FBXO4: variants seen among roughly 807,000 people sequenced by gnomAD.
FBXO4 encodes the protein F-box only protein 4.
Under a neutral mutation model 43.7 loss-of-function variants are expected in FBXO4, and 36 were observed. The ratio of observed to expected loss-of-function variants is 0.82; its 90% confidence interval spans 0.63 to 1.09. FBXO4 has a LOEUF of 1.09. FBXO4 is among the 50% of genes least tolerant of loss of function. The probability of loss-of-function intolerance (pLI) is 0.00; values close to 1 mark genes in which losing one functional copy is unlikely to be tolerated. For missense variants in FBXO4, 435 were observed against 474.1 expected, an observed-to-expected ratio of 0.92 and a Z score of 0.77; for synonymous variants, 180 against 165.6, an observed-to-expected ratio of 1.09 and a Z score of -0.67.
At chr5:41,978,538 A>C in the FBXO4 span, among the ~76,000 whole-genome samples, 2 of 152,192 alleles carry the variant, frequency 1.3e-5, no homozygotes, top group African/African-American at 4.8e-5. Flanking sequence ...TTCTTTCTAA[A>C]TATTTAAGTT....
At chr5:41,983,298 G>A in the FBXO4 span, among the ~76,000 whole-genome samples, 1 of 152,114 alleles carries the variant, frequency 6.6e-6, no homozygotes, top group East Asian at 1.9e-4. Flanking sequence ...TTAAGTGAGT[G>A]TATAATTAAT....
intron 6 of FBXO4, among the ~76,000 whole-genome samples, 186 bp from the exon 7 acceptor site, chr5:41,941,006 T>G (rs1236805305): frequency 6.6e-6 from 1 of 152,192 alleles, no homozygotes; most frequent in Non-Finnish European, 1.5e-5. Context: ...TGGTAATAGT[T>G]ACAAGAGAGA....
At chr5:42,030,712 A>G in the FBXO4 span, among the ~76,000 whole-genome samples, 2 of 151,970 alleles carry the variant, frequency 1.3e-5, no homozygotes, top group South Asian at 4.1e-4. Context: ...TACTCATCTG[A>G]CAAAGGGCTA....
At chr5:42,034,973 ATATT>A in the FBXO4 span, among the ~76,000 whole-genome samples, 5 of 151,980 alleles carry the variant, frequency 3.3e-5, no homozygotes, top group Non-Finnish European at 7.4e-5. Flanking sequence ...CATTTTCTTG[ATATT>A]TATTCTAAAG....
At chr5:42,001,214 G>GTCAT in the FBXO4 span, among the ~76,000 whole-genome samples, 8,010 of 136,118 alleles carry the variant, frequency 0.059, 687 homozygotes, top group African/African-American at 0.2. Flanking sequence ...TGAAAACATT[G>GTCAT]TCATTCATTC....
the FBXO4 span, among the ~76,000 whole-genome samples, chr5:42,012,919 G>A: frequency 3.3e-5 from 5 of 152,268 alleles, no homozygotes; most frequent in African/African-American, 1.2e-4. Flanking sequence ...GAGAAGAACA[G>A]CAATCCTATA....
the FBXO4 span, among the ~76,000 whole-genome samples, chr5:42,010,441 G>C: frequency 1.3e-5 from 2 of 151,626 alleles, no homozygotes; most frequent in Admixed American, 6.6e-5. Flanking sequence ...CTGGGCAGCA[G>C]AGGTTGTAGT....
At chr5:42,014,282 T>C in the FBXO4 span, among the ~76,000 whole-genome samples, 5 of 152,204 alleles carry the variant, frequency 3.3e-5, no homozygotes, top group Non-Finnish European at 7.3e-5. Context: ...TTTAGATTGA[T>C]TATCTACTTT....
chr5:41,948,352 G>A, the FBXO4 span, among the ~76,000 whole-genome samples: 3 of 152,080 alleles, frequency 2.0e-5, no homozygotes, highest in African/African-American at 2.4e-5. Context: ...AGCCAGGATG[G>A]TCTTGAGCTC....
chr5:42,019,134 G>A, the FBXO4 span, among the ~76,000 whole-genome samples: 3 of 151,900 alleles, frequency 2.0e-5, no homozygotes, highest in Admixed American at 2.0e-4. Context: ...TATATTTGGG[G>A]CAACTTATAT....
At chr5:42,003,934 A>G in the FBXO4 span, among the ~76,000 whole-genome samples, 3 of 152,276 alleles carry the variant, frequency 2.0e-5, no homozygotes, top group African/African-American at 4.8e-5. Context: ...ACGTATATTT[A>G]TTGCGGCAAT....
chr5:42,004,475 TACTC>T, the FBXO4 span, among the ~76,000 whole-genome samples: 1 of 152,164 alleles, frequency 6.6e-6, no homozygotes, highest in Non-Finnish European at 1.5e-5. Context: ...ATGTATGTAA[TACTC>T]AATCGATTAA....
At chr5:41,928,014 G>T (rs1421124073) in intron 2 of FBXO4, among the ~76,000 whole-genome samples, 1 of 152,088 alleles carries the variant, frequency 6.6e-6, no homozygotes, top group Non-Finnish European at 1.5e-5. Flanking sequence ...AAATTGTTGT[G>T]CTTGACTCAG....
Position 41,939,351 on chromosome 5 carries a change from T to G in FBXO4, c.899-90T>G, listed in dbSNP as rs967916688. On this transcript the variant is annotated intron_variant, in intron 5 of 6. Transcript: ENST00000281623. ...TTTATGTTTGGATCCTGGTAAATTT[T>G]TGTTCCCTCGCTTTGTTAGTTTTTT... 2.5e-6 allele frequency: 3 copies of G among 1,203,034 alleles called. No homozygotes were observed. The African/African-American group carries it at 4.6e-5, about 19-fold the overall frequency. 74.5% of individuals were successfully genotyped at this position (1,203,034 alleles called of 1,614,324 possible). A position where few individuals can be genotyped will look rare whatever the true frequency, so the allele number is the denominator to read the frequency against.
At chr5:41,962,776 A>G in the FBXO4 span, among the ~76,000 whole-genome samples, 1 of 152,150 alleles carries the variant, frequency 6.6e-6, no homozygotes, top group Non-Finnish European at 1.5e-5. Context: ...ATGCCTCTGA[A>G]AAGTGTTGGC....
intron 5 of FBXO4, among the ~76,000 whole-genome samples, chr5:41,937,111 G>C (rs527724123): frequency 2.0e-5 from 3 of 152,182 alleles, no homozygotes; most frequent in Non-Finnish European, 2.9e-5. Context: ...AGGAATTTTT[G>C]AACAGATAAT....
chr5:41,971,527 G>A, the FBXO4 span, among the ~76,000 whole-genome samples: 3 of 151,890 alleles, frequency 2.0e-5, no homozygotes, highest in Non-Finnish European at 2.9e-5. Flanking sequence ...TGCATGACTA[G>A]CATTTCATAT....
the FBXO4 span, among the ~76,000 whole-genome samples, chr5:42,039,727 T>C: frequency 1.3e-5 from 2 of 152,112 alleles, no homozygotes; most frequent in South Asian, 4.1e-4. Context: ...TGTTACCTTA[T>C]ACGGCAAAGG....
the FBXO4 span, among the ~76,000 whole-genome samples, chr5:41,955,993 G>A: frequency 6.6e-6 from 1 of 152,058 alleles, no homozygotes; most frequent in Non-Finnish European, 1.5e-5. Flanking sequence ...AATTAACTTA[G>A]CATCCCAGAT....
Sources: gnomAD v4.1 joint callset for allele counts (sites outside exome capture counted in the v4.1 genomes callset) on GRCh38, gnomAD v4.1.1 for gene constraint, MANE v1.5 for transcripts, NCBI Gene and HGNC (gene_info 2026-07-23, HGNC 2026-07-21) for gene names.